The following BCAS3 variants were observed in gnomAD, a reference collection of about 807,000 sequenced individuals.
BCAS3 encodes the protein BCAS3 microtubule associated cell migration factor, also known as BCAS4/BCAS3 fusion.
A neutral mutation model predicts 116.1 loss-of-function variants in BCAS3; 53 were observed. That is an observed-to-expected ratio of 0.46 (90% CI 0.37 to 0.57). The LOEUF (loss-of-function observed/expected upper bound fraction) is 0.57. Among genes scored for constraint, BCAS3 ranks in the 20% least tolerant of loss-of-function variants. BCAS3 has a pLI of 0.00. For missense variants in BCAS3, 917 were observed against 1,165.4 expected, an observed-to-expected ratio of 0.79 and a Z score of 3.10; for synonymous variants, 391 against 408.2, an observed-to-expected ratio of 0.96 and a Z score of 0.51.
intron 7 of BCAS3, among the ~76,000 whole-genome samples, chr17:60,861,125 A>C (rs2144853506): frequency 6.6e-6 from 1 of 152,290 alleles, no homozygotes; most frequent in Admixed American, 6.5e-5. Context: ...ATCCATGAGC[A>C]TGGAATGTTT....
At chr17:61,389,307 C>CCACACAG (rs1331540262) in intron 23 of BCAS3, 1 of 152,778 alleles carries the variant, frequency 6.5e-6, no homozygotes, top group Non-Finnish European at 1.5e-5. Flanking sequence ...GGTCCAAACA[C>CCACACAG]CACACAGCTT....
chr17:60,895,502 T>C (rs983351808), intron 10 of BCAS3, among the ~76,000 whole-genome samples: 6 of 152,156 alleles, frequency 3.9e-5, no homozygotes, highest in Non-Finnish European at 8.8e-5. Context: ...GAAGAACCAA[T>C]TTTTTATTCA....
At chr17:60,906,395 A>C (rs1306505318) in intron 11 of BCAS3, among the ~76,000 whole-genome samples, 1 of 152,128 alleles carries the variant, frequency 6.6e-6, no homozygotes, top group African/African-American at 2.4e-5. Flanking sequence ...TGGTCACCTT[A>C]TTGCTGTAGG....
At position 61,301,360 on chromosome 17, in the gene BCAS3, A is replaced by G. The variant is rs956809709; in HGVS notation, c.2426-66967A>G. 3.9e-5 allele frequency among the ~76,000 whole-genome samples: 6 copies of G among 152,330 alleles called. No homozygotes were observed. The South Asian group carries it at 6.2e-4, about 16-fold the overall frequency. On this transcript the variant is annotated intron_variant, in intron 22 of 23. Transcript: ENST00000407086. ...ATGAAAAGACTGATTTCGGCCGGGC[A>G]CGGTGACTCACGCCTGTAATCCCAG...
chr17:60,706,803 CTTTTTTTTTTT>C (rs546689684), intron 4 of BCAS3, among the ~76,000 whole-genome samples: 2 of 122,236 alleles, frequency 1.6e-5, no homozygotes, highest in African/African-American at 6.9e-5. Flanking sequence ...TTACACTATA[CTTTTTTTTTTT>C]TTTTTTTTTG....
intron 22 of BCAS3, among the ~76,000 whole-genome samples, chr17:61,107,652 C>T (rs2074755351): frequency 6.6e-6 from 1 of 152,078 alleles, no homozygotes; most frequent in Non-Finnish European, 1.5e-5. Flanking sequence ...ATTATAATGC[C>T]TTTGAGGTCC....
intron 22 of BCAS3, among the ~76,000 whole-genome samples, chr17:61,090,874 C>G (rs1477551911): frequency 6.6e-6 from 1 of 152,198 alleles, no homozygotes; most frequent in Non-Finnish European, 1.5e-5. Context: ...TCAGGCTGGT[C>G]TCAGACTCCT....
chr17:61,146,454 T>G (rs898606184), intron 22 of BCAS3, among the ~76,000 whole-genome samples: 1 of 152,074 alleles, frequency 6.6e-6, no homozygotes, highest in Non-Finnish European at 1.5e-5. Flanking sequence ...CCAGTTTGGG[T>G]CACTCTGAAA....
chr17:61,345,046 G>A (rs1038249400), intron 22 of BCAS3, among the ~76,000 whole-genome samples: 3 of 152,276 alleles, frequency 2.0e-5, no homozygotes, highest in Non-Finnish European at 2.9e-5. Context: ...GGCAGAGCTC[G>A]CCTGCTGTCA....
chr17:61,276,491 G>A lies in BCAS3; in HGVS notation c.2426-91836G>A, dbSNP rs762096508. Reference sequence around the variant, plus strand: ...AAAGTACTCAGGAATAAATTTAACCGAAGTAAAAATTTTATAAACTACAAA... The same window carrying A: ...AAAGTACTCAGGAATAAATTTAACCAAAGTAAAAATTTTATAAACTACAAA... On this transcript the variant is annotated intron_variant, in intron 22 of 23. Transcript: ENST00000407086. The surrounding 1 kb of genome is among the most constrained non-coding windows in gnomAD (Gnocchi z 4.2). Among the ~76,000 whole-genome samples, 6 of 152,062 alleles carry A rather than the reference G, an allele frequency of 3.9e-5. No individual in the cohort carries two copies. Among genetic ancestry groups the A allele is most frequent in the Non-Finnish European group, 5.9e-5 (4 of 67,998 alleles).
At chr17:60,753,409 T>TTATG (rs891996292) in intron 6 of BCAS3, among the ~76,000 whole-genome samples, 5 of 149,388 alleles carry the variant, frequency 3.3e-5, no homozygotes, top group African/African-American at 1.2e-4. Context: ...ATTTATTTAT[T>TTATG]TATTTATTTA....
intron 22 of BCAS3, among the ~76,000 whole-genome samples, chr17:61,331,529 A>G (rs1428212515): frequency 6.6e-6 from 1 of 152,144 alleles, no homozygotes; most frequent in East Asian, 1.9e-4. Flanking sequence ...ACAGTGGCTC[A>G]TGCCTGTAAT....
At chr17:60,780,785 C>T (rs764022553) in intron 6 of BCAS3, among the ~76,000 whole-genome samples, 1 of 152,158 alleles carries the variant, frequency 6.6e-6, no homozygotes, top group Non-Finnish European at 1.5e-5. Flanking sequence ...CTTCTAATTT[C>T]CAGGCTGAGG....
intron 4 of BCAS3, among the ~76,000 whole-genome samples, chr17:60,701,104 C>T (rs916083009): frequency 1.3e-5 from 2 of 151,832 alleles, no homozygotes; most frequent in Admixed American, 6.6e-5. Flanking sequence ...ATTAGCCAGG[C>T]GTGGTGACGC....
Position 61,244,558 on chromosome 17 carries a change from A to G in BCAS3, c.2426-123769A>G, listed in dbSNP as rs1168180469. ...AAATCTCACATACTTTATTCAGTCTATATTTTTAAAAATTGGATATATAGG... is the reference window on the plus strand; with the variant it reads ...AAATCTCACATACTTTATTCAGTCTGTATTTTTAAAAATTGGATATATAGG... On this transcript the variant is annotated intron_variant, in intron 22 of 23. Transcript: ENST00000407086. The surrounding 1 kb of genome is among the most constrained non-coding windows in gnomAD (Gnocchi z 4.9). Among the ~76,000 whole-genome samples the G allele has an allele frequency of 2.0e-5, 3 of 152,342 alleles. No individual in the cohort carries two copies. Among genetic ancestry groups the G allele is most frequent in the Middle Eastern group, 6.8e-3 (2 of 294 alleles).
chr17:60,987,406 A>G (rs563774513), intron 14 of BCAS3, among the ~76,000 whole-genome samples: 102 of 151,618 alleles, frequency 6.7e-4, no homozygotes, highest in African/African-American at 2.2e-3. Context: ...TAGGGATTGC[A>G]TTCAATCTGT....
chr17:60,942,292 C>T (rs1021464665), intron 13 of BCAS3, among the ~76,000 whole-genome samples: 10 of 151,950 alleles, frequency 6.6e-5, no homozygotes, highest in Non-Finnish European at 8.8e-5. Context: ...CTGGGCGTGG[C>T]GGCGGGCGCC....
rs112950298 is a variant in BCAS3, at chr17:61,038,142, A to G, written c.1928+88A>G. ...TATAATTTGATAAGTTTTGACATGC[A>G]TACAGCTACGAAATCATCACCACAA... On this transcript the variant is annotated intron_variant, in intron 18 of 23. Coordinates refer to ENST00000407086, the MANE Select transcript of BCAS3 (RefSeq NM_017679.5). 12 of 1,188,110 alleles carry G rather than the reference A, an allele frequency of 1.0e-5. No individual in the cohort carries two copies. In the African/African-American group the frequency reaches 1.1e-4, roughly 11 times the overall value. The allele number at this position is 1,188,110 out of a possible 1,614,324, so 73.6% of individuals were successfully genotyped here.
intron 8 of BCAS3, among the ~76,000 whole-genome samples, chr17:60,872,797 A>G (rs1599332221): frequency 6.6e-6 from 1 of 151,394 alleles, no homozygotes; most frequent in Admixed American, 6.6e-5. Flanking sequence ...CTGTATGTGT[A>G]TATCTGTATG....
Sources: allele counts gnomAD v4.1 joint callset (sites outside exome capture counted in the v4.1 genomes callset), GRCh38; gene constraint gnomAD v4.1.1; non-coding constraint Gnocchi (gnomAD v3.1); transcripts MANE v1.5; gene names NCBI Gene and HGNC (gene_info 2026-07-23, HGNC 2026-07-21).